HAO2: variants seen among roughly 807,000 people sequenced by gnomAD.
HAO2 encodes 2-Hydroxyacid oxidase 2.
HAO2 carries 42 observed loss-of-function variants against 37.4 expected under a neutral mutation model. The ratio of observed to expected loss-of-function variants is 1.12; its 90% CI spans 0.88 to 1.45. HAO2 has a LOEUF of 1.45. Ranked by LOEUF, HAO2 falls within the 40% of genes most tolerant of loss-of-function variation. The pLI, the probability that HAO2 is intolerant of heterozygous loss-of-function variation, is 0.00. For missense variants in HAO2, 476 were observed against 430.2 expected (o/e 1.11, Z -0.94); for synonymous variants, 180 against 162.8 (o/e 1.11, Z -0.81).
intron 7 of HAO2, 93 bp downstream of exon 7, chr1:119,392,780 A>G (rs1387727644): frequency 1.2e-6 from 1 of 828,678 alleles, no homozygotes; most frequent in Non-Finnish European, 2.1e-6. Context: ...CCCTTTCCTG[A>G]TGTGGTAGCT....
chr1:119,384,767 G>C lies in HAO2; in HGVS notation c.284-9G>C. 1.2e-6 allele frequency: 2 copies of C among 1,613,228 alleles called. No homozygotes were observed. The highest frequency in any genetic ancestry group is 2.2e-5 in the South Asian group (2 of 90,978). ...CCCTCCAGCCTGAGTCATGTCCTTT[G>C]CTTTACAGCTGCCCAAGCGGCTGGT... On this transcript the variant is annotated splice_polypyrimidine_tract_variant and intron_variant, in intron 3 of 7. Coordinates refer to ENST00000325945, the MANE Select transcript of HAO2 (RefSeq NM_016527.4).
In HAO2 at chr1:119,393,791, G is replaced by A. The variant is rs201600052; in HGVS notation, c.1007G>A (p.Arg336Gln). Residue 336 changes from arginine (R) to glutamine (Q), a missense_variant, in exon 8 of 8, where the codon CGG (arginine) becomes CAG (glutamine). Arg to Gln is a conservative substitution (Grantham distance 43, BLOSUM62 1). Transcript: ENST00000325945. ...AACCACATTGTTCTTTTAGGCTGCC[G>A]GTCGGTCGCTGAGATCAATCGAAAC... ...FHTSMALTGC[R>Q]SVAEINRNLV... The A allele has an allele frequency of 2.0e-4, 321 of 1,613,034 alleles. No individual in the cohort carries two copies. Among genetic ancestry groups the A allele is most frequent in the Non-Finnish European group, 2.4e-4 (285 of 1,179,244 alleles).
At chr1:119,391,719 A>G (rs1469478661) in intron 5 of HAO2, among the ~76,000 whole-genome samples, 1 of 152,154 alleles carries the variant, frequency 6.6e-6, no homozygotes, top group Non-Finnish European at 1.5e-5. Flanking sequence ...TGCAGTGGAG[A>G]GCCTTTCTAG....
At chr1:119,392,414 C>T (rs587758489) in intron 6 of HAO2, 146 bp downstream of exon 6, 2 of 750,622 alleles carry the variant, frequency 2.7e-6, no homozygotes, top group African/African-American at 3.5e-5. Flanking sequence ...CATGCTTCTT[C>T]TGAAGCCCAT....
At chr1:119,390,805 A>G (rs1040823121) in intron 5 of HAO2, among the ~76,000 whole-genome samples, 3 of 152,186 alleles carry the variant, frequency 2.0e-5, no homozygotes, top group Non-Finnish European at 4.4e-5. Flanking sequence ...GAAACCTCAT[A>G]GAGGTGGGAA....
intron 1 of HAO2, among the ~76,000 whole-genome samples, chr1:119,372,825 G>A (rs1649143730): frequency 1.3e-5 from 2 of 152,082 alleles, no homozygotes; most frequent in African/African-American, 4.8e-5. Context: ...ATATTGTGCT[G>A]GTTCCCTGTT....
intron 1 of HAO2, among the ~76,000 whole-genome samples, chr1:119,369,269 T>C (rs587630146): frequency 1.2e-4 from 18 of 152,354 alleles, no homozygotes; most frequent in African/African-American, 3.8e-4. Context: ...TTCTGACCAC[T>C]GCTTCCCGGC....
intron 3 of HAO2, among the ~76,000 whole-genome samples, chr1:119,384,071 C>A (rs1053262369): frequency 4.6e-5 from 7 of 152,116 alleles, no homozygotes; most frequent in Non-Finnish European, 1.0e-4. Flanking sequence ...GTGACATTAA[C>A]CTGTTGGAGA....
At chr1:119,372,698 C>A (rs1418100081) in intron 1 of HAO2, among the ~76,000 whole-genome samples, 1 of 152,146 alleles carries the variant, frequency 6.6e-6, no homozygotes, top group Admixed American at 6.5e-5. Context: ...CCACTGAAAC[C>A]ATAAGGTGGT....
chr1:119,379,602 T>G (rs1649754464), intron 1 of HAO2, among the ~76,000 whole-genome samples: 1 of 152,178 alleles, frequency 6.6e-6, no homozygotes, highest in African/African-American at 2.4e-5. Flanking sequence ...ATGGTTGTAG[T>G]AATTTGTCAG....
rs749541901 is a variant in HAO2, at chr1:119,392,582, T to C, written c.931-36T>C. On this transcript the variant is annotated intron_variant, in intron 6 of 7. Coordinates refer to ENST00000325945, the MANE Select transcript of HAO2 (RefSeq NM_016527.4). ...TGGATGGTCAGAATGTTCCTTTATG[T>C]CTCTTTGTGTCTCTGTCTGTCTGCC... is the stretch of plus-strand genomic sequence containing the variant. The C allele has an allele frequency of 3.6e-6, 5 of 1,376,664 alleles. 1 individual carries two copies. The Admixed American group carries it at 6.7e-5, about 18-fold the overall frequency. The allele number at this position is 1,376,664 out of a possible 1,614,324, so 85.3% of individuals were successfully genotyped here. A position where few individuals can be genotyped will look rare whatever the true frequency, so the allele number is the denominator to read the frequency against.
intron 4 of HAO2, chr1:119,385,723 T>C (rs1650330563): frequency 3.0e-6 from 3 of 985,178 alleles, no homozygotes; most frequent in South Asian, 4.7e-5. Flanking sequence ...CTGGCTATAG[T>C]AGAGATACTA....
intron 3 of HAO2, among the ~76,000 whole-genome samples, chr1:119,383,361 A>C (rs2101224992): frequency 6.6e-6 from 1 of 152,320 alleles, no homozygotes; most frequent in South Asian, 2.1e-4. Flanking sequence ...TCTGGCTCAC[A>C]CCATCTGTAG....
At chr1:119,372,395 A>T (rs1649106256) in intron 1 of HAO2, among the ~76,000 whole-genome samples, 2 of 152,340 alleles carry the variant, frequency 1.3e-5, no homozygotes, top group South Asian at 4.1e-4. Context: ...GCGACTTCAA[A>T]ATTGTTTCAC....
chr1:119,385,012 A>G lies in HAO2; in HGVS notation c.520A>G (p.Arg174Gly). Residue 174 changes from arginine to glycine, a missense_variant, in exon 4 of 8, where the codon AGG (arginine) becomes GGG (glycine). By Grantham distance (125) the Arg-to-Gly change is moderately radical. Coordinates refer to ENST00000325945, the MANE Select transcript of HAO2 (RefSeq NM_016527.4). ...NRRHDIRNQL[R>G]RNLTLTDLQS... ...GCGACATGACATTCGAAACCAGTTGAGGAGGAACTTAACACTAACAGATCT... is the reference window on the plus strand; with the variant it reads ...GCGACATGACATTCGAAACCAGTTGGGGAGGAACTTAACACTAACAGATCT... The G allele has an allele frequency of 6.2e-7, 1 of 1,613,870 alleles. No homozygotes were observed. Among genetic ancestry groups the G allele is most frequent in the Non-Finnish European group, 8.5e-7 (1 of 1,179,848 alleles).
intron 3 of HAO2, among the ~76,000 whole-genome samples, chr1:119,384,373 T>C (rs1053927635): frequency 2.0e-5 from 3 of 152,194 alleles, no homozygotes; most frequent in African/African-American, 7.2e-5. Flanking sequence ...TTTTCCACCA[T>C]GAAGTTCAGG....
At chr1:119,387,103 G>A (rs1650453800) in intron 5 of HAO2, among the ~76,000 whole-genome samples, 1 of 152,142 alleles carries the variant, frequency 6.6e-6, no homozygotes, top group Non-Finnish European at 1.5e-5. Context: ...TGCAAATGGG[G>A]ATACTGTAGT....
At chr1:119,374,178 G>A (rs1371455535) in intron 1 of HAO2, among the ~76,000 whole-genome samples, 1 of 152,158 alleles carries the variant, frequency 6.6e-6, no homozygotes, top group Non-Finnish European at 1.5e-5. Context: ...CATGCTGGGG[G>A]CTCATCTGCC....
intron 3 of HAO2, among the ~76,000 whole-genome samples, 186 bp downstream of exon 3, chr1:119,383,252 C>A (rs587724916): frequency 4.5e-4 from 69 of 152,316 alleles, no homozygotes; most frequent in African/African-American, 1.5e-3. Flanking sequence ...CATTCATTTT[C>A]CATAATAAAG....
Sources: gnomAD v4.1 joint callset for allele counts (sites outside exome capture counted in the v4.1 genomes callset) on GRCh38, gnomAD v4.1.1 for gene constraint, MANE v1.5 for transcripts, NCBI Gene and HGNC (gene_info 2026-07-23, HGNC 2026-07-21) for gene names.